The following MAF variants were observed in gnomAD, a reference collection of about 807,000 sequenced individuals.
The protein encoded by MAF is MAF bZIP transcription factor.
A neutral mutation model predicts 22.0 loss-of-function variants in MAF; 10 were observed. That is an observed-to-expected ratio of 0.45 (90% confidence interval 0.28 to 0.77). The LOEUF (loss-of-function observed/expected upper bound fraction) is 0.77. Among genes scored for constraint, MAF ranks in the 30% least tolerant of loss-of-function variants. MAF has a pLI of 0.12. For missense variants in MAF, 544 were observed against 548.4 expected, an observed-to-expected ratio of 0.99 and a Z score of 0.08; for synonymous variants, 337 against 255.8, an observed-to-expected ratio of 1.32 and a Z score of -3.03.
At chr16:79,381,495 G>C in the MAF span, among the ~76,000 whole-genome samples, 1 of 152,224 alleles carries the variant, frequency 6.6e-6, no homozygotes, top group Non-Finnish European at 1.5e-5. Context: ...GTGCCTAAAA[G>C]AAAGAGCGCT....
the MAF span, among the ~76,000 whole-genome samples, chr16:79,349,835 C>T: frequency 0.041 from 6,192 of 152,296 alleles, 240 homozygotes; most frequent in East Asian, 0.18. Context: ...CCTTTGCAAT[C>T]TGCCTTCAAT....
At chr16:79,555,079 C>T in the MAF span, among the ~76,000 whole-genome samples, 3 of 152,162 alleles carry the variant, frequency 2.0e-5, no homozygotes, top group Non-Finnish European at 4.4e-5. Context: ...CCCTGCTCCT[C>T]CCTCTGGCAG....
At chr16:79,557,561 C>A in the MAF span, among the ~76,000 whole-genome samples, 4 of 152,016 alleles carry the variant, frequency 2.6e-5, no homozygotes, top group Non-Finnish European at 4.4e-5. Flanking sequence ...TGGCCTTGGG[C>A]GTGTTACAGC....
chr16:79,440,982 T>G, the MAF span, among the ~76,000 whole-genome samples: 1 of 152,236 alleles, frequency 6.6e-6, no homozygotes, highest in Non-Finnish European at 1.5e-5. Context: ...TGCGGTGATG[T>G]GGAGTCGTAA....
the MAF span, among the ~76,000 whole-genome samples, chr16:79,357,087 T>C: frequency 6.6e-6 from 1 of 152,140 alleles, no homozygotes; most frequent in Admixed American, 6.5e-5. Context: ...TGAAACCCCA[T>C]CTCTACTAGA....
the MAF span, among the ~76,000 whole-genome samples, chr16:79,208,455 C>A: frequency 6.6e-6 from 1 of 151,952 alleles, no homozygotes; most frequent in African/African-American, 2.4e-5. Context: ...TTATTTATCA[C>A]AATGGATCAG....
chr16:79,542,885 G>A, the MAF span, among the ~76,000 whole-genome samples: 3 of 152,312 alleles, frequency 2.0e-5, no homozygotes, highest in South Asian at 6.2e-4. Context: ...TAGACTCTGG[G>A]TGGTTTTTAT....
At chr16:79,459,094 G>A in the MAF span, among the ~76,000 whole-genome samples, 1 of 152,184 alleles carries the variant, frequency 6.6e-6, no homozygotes. Context: ...CCATTACTCA[G>A]TAAGGTAGGC....
At chr16:79,399,880 C>T in the MAF span, among the ~76,000 whole-genome samples, 426 of 152,288 alleles carry the variant, frequency 2.8e-3, 2 homozygotes, top group Admixed American at 3.1e-3. Flanking sequence ...TCTAAAGGAT[C>T]CTAGTTGGAC....
chr16:79,386,382 C>T, the MAF span, among the ~76,000 whole-genome samples: 1 of 152,128 alleles, frequency 6.6e-6, no homozygotes, highest in Admixed American at 6.6e-5. Flanking sequence ...TAACCCAGAT[C>T]CCTCAGATGT....
chr16:79,379,354 T>C, the MAF span, among the ~76,000 whole-genome samples: 5 of 152,204 alleles, frequency 3.3e-5, no homozygotes, highest in African/African-American at 1.2e-4. Context: ...TCCCAGAGTA[T>C]GACAGTCTAC....
At chr16:79,493,204 A>T in the MAF span, among the ~76,000 whole-genome samples, 1 of 147,530 alleles carries the variant, frequency 6.8e-6, no homozygotes, top group African/African-American at 2.5e-5. Context: ...TTTTTTTGAG[A>T]CGGAGTCTCA....
At chr16:79,366,120 C>T in the MAF span, among the ~76,000 whole-genome samples, 2 of 152,168 alleles carry the variant, frequency 1.3e-5, no homozygotes, top group Admixed American at 6.5e-5. Flanking sequence ...TTGCTAAGAA[C>T]ACCCCTGGTT....
the MAF span, among the ~76,000 whole-genome samples, chr16:79,479,331 C>A: frequency 1.3e-5 from 2 of 152,296 alleles, no homozygotes; most frequent in African/African-American, 4.8e-5. Flanking sequence ...AGCAGTGTAC[C>A]ATCCCCATGT....
rs2143817741 is a variant in MAF at position 79,599,744 on chromosome 16, G to A, written c.159C>T (p.Gly53=). ...ISQCGRLIAG[G]SLSSTPMSTP... ...TGCTCATGGGGGTGGAGGACAGCGA[G>A]CCCCCGGCGATGAGACGGCCGCACT... The change falls in exon 1 of 2, where the codon GGC becomes GGT. Residue 53 remains glycine (G), a synonymous_variant. Transcript: ENST00000326043. 2 of 1,612,888 alleles carry A rather than the reference G, an allele frequency of 1.2e-6. No homozygotes were observed. Among genetic ancestry groups the A allele is most frequent in the Non-Finnish European group, 1.7e-6 (2 of 1,179,908 alleles).
At chr16:79,341,488 A>G in the MAF span, among the ~76,000 whole-genome samples, 2 of 152,296 alleles carry the variant, frequency 1.3e-5, no homozygotes, top group East Asian at 3.9e-4. Context: ...CCTCTTTGGT[A>G]GATTGATTTG....
chr16:79,207,192 G>C, the MAF span, among the ~76,000 whole-genome samples: 11 of 152,232 alleles, frequency 7.2e-5, no homozygotes, highest in African/African-American at 2.7e-4. Context: ...GTAGCTCTCT[G>C]ATAAATGATT....
chr16:79,513,964 CAAT>C, the MAF span, among the ~76,000 whole-genome samples: 7 of 152,270 alleles, frequency 4.6e-5, no homozygotes, highest in Admixed American at 4.6e-4. Context: ...AGAATGGAAT[CAAT>C]AAAAAGAACA....
the MAF span, among the ~76,000 whole-genome samples, chr16:79,363,038 C>A: frequency 6.6e-6 from 1 of 152,142 alleles, no homozygotes; most frequent in Non-Finnish European, 1.5e-5. Context: ...AAACTGCCCT[C>A]ACTTCTTTCT....
Sources: gnomAD v4.1 joint callset for allele counts (sites outside exome capture counted in the v4.1 genomes callset) on GRCh38, gnomAD v4.1.1 for gene constraint, MANE v1.5 for transcripts, NCBI Gene and HGNC (gene_info 2026-07-23, HGNC 2026-07-21) for gene names.